ZNF143: variants seen among roughly 807,000 people sequenced by gnomAD.
The protein encoded by ZNF143 is zinc finger protein 143, also known as SPH-binding factor.
ZNF143 carries 49 observed loss-of-function variants against 74.1 expected under a neutral mutation model. The observed-to-expected ratio is 0.66, with a 90% CI of 0.53 to 0.84. The LOEUF (loss-of-function observed/expected upper bound fraction) is 0.84. Among genes scored for constraint, ZNF143 ranks in the 40% least tolerant of loss-of-function variants. ZNF143 has a pLI of 0.00. For missense variants in ZNF143, 637 were observed against 793.4 expected (o/e 0.80, Z 2.37); for synonymous variants, 304 against 282.8 (o/e 1.07, Z -0.75).
chr11:9,480,918 A>G lies in ZNF143; in HGVS notation c.645+1372A>G, dbSNP rs1847211952. On this transcript the variant is annotated intron_variant, in intron 7 of 15. Coordinates refer to ENST00000396602, the MANE Select transcript of ZNF143 (RefSeq NM_003442.6). ...AAAAAAAGAAAAAAGAAAAAGAAAT[A>G]TTATGCTTCTACGCGTTGCTGAATA... 3.3e-5 allele frequency among the ~76,000 whole-genome samples: 5 copies of G among 152,110 alleles called. No individual in the cohort carries two copies. The South Asian group carries it at 1.0e-3, about 32-fold the overall frequency.
At chr11:9,497,832 T>C in intron 10 of ZNF143, 32 bp downstream of exon 10, 6 of 1,301,826 alleles carry the variant, frequency 4.6e-6, no homozygotes, top group Non-Finnish European at 5.1e-6. Flanking sequence ...CAAAATCTTT[T>C]TTTTTTTTTT....
intron 3 of ZNF143, chr11:9,473,688 G>A: frequency 1.8e-6 from 2 of 1,137,148 alleles, no homozygotes; most frequent in Non-Finnish European, 2.5e-6. Flanking sequence ...GTAGCCTGCT[G>A]TGATGAGCCA....
At chr11:9,466,614 T>TA (rs1014523331) in intron 1 of ZNF143, among the ~76,000 whole-genome samples, 6 of 151,918 alleles carry the variant, frequency 3.9e-5, no homozygotes, top group African/African-American at 1.4e-4. Context: ...TCCTTTTTTT[T>TA]ATTTTCCGTA....
intron 14 of ZNF143, among the ~76,000 whole-genome samples, chr11:9,519,126 A>G (rs73406296): frequency 0.016 from 2,479 of 152,290 alleles, 73 homozygotes; most frequent in African/African-American, 0.047. Flanking sequence ...GAACATTTCT[A>G]TCACGCTAGA....
intron 14 of ZNF143, among the ~76,000 whole-genome samples, chr11:9,524,693 A>G (rs1849062363): frequency 6.6e-6 from 1 of 152,208 alleles, no homozygotes. Flanking sequence ...CCTCCTGGCT[A>G]GATGCTGCAA....
chr11:9,507,420 C>T (rs993187830), intron 11 of ZNF143, among the ~76,000 whole-genome samples: 1 of 152,136 alleles, frequency 6.6e-6, no homozygotes, highest in Non-Finnish European at 1.5e-5. Flanking sequence ...TACTCATTTG[C>T]TCAGTCTTTT....
intron 15 of ZNF143, among the ~76,000 whole-genome samples, chr11:9,525,892 A>G (rs1849108254): frequency 6.6e-6 from 1 of 152,164 alleles, no homozygotes; most frequent in South Asian, 2.1e-4. Context: ...CTATAATCCT[A>G]GCACTTTGGG....
In ZNF143 at chr11:9,471,639, G is replaced by A. The variant is rs368079196; in HGVS notation, c.112+219G>A. Among the ~76,000 whole-genome samples the A allele has an allele frequency of 4.6e-5, 7 of 151,244 alleles. No homozygotes were observed. In the East Asian group the frequency reaches 1.2e-3, roughly 25 times the overall value. On this transcript the variant is annotated intron_variant, in intron 2 of 15. Transcript: ENST00000396602. ...CTGCTCTCGGCTCACTGCAACCTCT[G>A]CCTCCCAAGTCCAAGTGATTCTCCT...
intron 7 of ZNF143, among the ~76,000 whole-genome samples, chr11:9,488,076 C>T (rs1224403894): frequency 1.3e-5 from 2 of 152,068 alleles, no homozygotes; most frequent in Non-Finnish European, 2.9e-5. Flanking sequence ...CCCGCTATTA[C>T]TGTAGTTCTC....
At chr11:9,488,255 AAATT>A (rs1847637393) in intron 7 of ZNF143, among the ~76,000 whole-genome samples, 1 of 152,196 alleles carries the variant, frequency 6.6e-6, no homozygotes, top group Non-Finnish European at 1.5e-5. Flanking sequence ...GTCTTGAAAA[AAATT>A]AATTAATTAA....
intron 11 of ZNF143, among the ~76,000 whole-genome samples, chr11:9,503,121 G>T (rs959563602): frequency 6.6e-6 from 1 of 152,062 alleles, no homozygotes; most frequent in Admixed American, 6.6e-5. Flanking sequence ...ATGAGCCACC[G>T]CTCCTAGCCT....
chr11:9,500,269 A>G (rs1245525354), intron 10 of ZNF143, among the ~76,000 whole-genome samples: 1 of 151,554 alleles, frequency 6.6e-6, no homozygotes, highest in African/African-American at 2.4e-5. Flanking sequence ...AGCTTAGATT[A>G]TGAGGGTAGT....
At chr11:9,493,808 C>T (rs899651758) in intron 7 of ZNF143, among the ~76,000 whole-genome samples, 1 of 152,092 alleles carries the variant, frequency 6.6e-6, no homozygotes. Flanking sequence ...TTTAAAAAGC[C>T]TTTAAAAATC....
Position 9,512,634 on chromosome 11 carries a change from C to G in ZNF143, c.1524+38C>G, listed in dbSNP as rs375063985. The G allele has an allele frequency of 5.6e-6, 9 of 1,607,874 alleles. No individual in the cohort carries two copies. In the African/African-American group the frequency reaches 1.2e-4, roughly 21 times the overall value. On this transcript the variant is annotated intron_variant, in intron 13 of 15. Coordinates refer to ENST00000396602, the MANE Select transcript of ZNF143 (RefSeq NM_003442.6). ...CAAAAGCCAAACAAATTAAATCTTT[C>G]TGTGAACCTGGGCTTGAAAGGCAGG...
At chr11:9,517,414 T>G (rs2134217961) in intron 14 of ZNF143, among the ~76,000 whole-genome samples, 1 of 152,320 alleles carries the variant, frequency 6.6e-6, no homozygotes, top group East Asian at 1.9e-4. Flanking sequence ...TGCATATATA[T>G]GTGTGAGTAG....
At chr11:9,500,942 C>T (rs918058432) in intron 10 of ZNF143, 149 bp from the exon 11 acceptor site, 5 of 861,754 alleles carry the variant, frequency 5.8e-6, no homozygotes, top group Non-Finnish European at 8.8e-6. Context: ...TGCTGTTTCC[C>T]CAACCCCCCC....
chr11:9,511,747 C>T (rs974147314), intron 12 of ZNF143, among the ~76,000 whole-genome samples: 3 of 138,588 alleles, frequency 2.2e-5, no homozygotes, highest in African/African-American at 8.0e-5. Context: ...TGGCCTTTAA[C>T]AGCTTTTTTT....
chr11:9,496,781 A>G (rs1847974008), intron 9 of ZNF143, among the ~76,000 whole-genome samples: 1 of 151,712 alleles, frequency 6.6e-6, no homozygotes, highest in Admixed American at 6.6e-5. Flanking sequence ...TATTTTTAGT[A>G]GAGATGAGGT....
At chr11:9,470,627 GT>G (rs1856511902) in intron 1 of ZNF143, among the ~76,000 whole-genome samples, 1 of 152,176 alleles carries the variant, frequency 6.6e-6, no homozygotes, top group South Asian at 2.1e-4. Flanking sequence ...CTGAAGTGGA[GT>G]GAATGAGATG....
Sources: allele counts gnomAD v4.1 joint callset (sites outside exome capture counted in the v4.1 genomes callset), GRCh38; gene constraint gnomAD v4.1.1; transcripts MANE v1.5; gene names NCBI Gene and HGNC (gene_info 2026-07-23, HGNC 2026-07-21).